The following PFKM variants were observed in gnomAD, a reference collection of about 807,000 sequenced individuals.
PFKM encodes the protein ATP-dependent 6-phosphofructokinase, muscle type.
A neutral mutation model predicts 95.5 loss-of-function variants in PFKM; 58 were observed. That is an observed-to-expected ratio of 0.61 (90% confidence interval 0.49 to 0.76). PFKM has a LOEUF of 0.76. PFKM is among the 30% of genes least tolerant of loss of function. PFKM has a pLI of 0.00. For missense variants in PFKM, 678 were observed against 1,005.4 expected, an observed-to-expected ratio of 0.67 and a Z score of 4.40; for synonymous variants, 336 against 357.2, an observed-to-expected ratio of 0.94 and a Z score of 0.67.
intron 3 of PFKM, among the ~76,000 whole-genome samples, chr12:48,111,546 C>CAGCTTG (rs1251848247): frequency 1.3e-5 from 2 of 152,194 alleles, no homozygotes; most frequent in Admixed American, 6.5e-5. Flanking sequence ...ACAATGAGTT[C>CAGCTTG]AGCTTGCTGA....
At chr12:48,135,787 G>GAT (rs2135930861) in intron 10 of PFKM, among the ~76,000 whole-genome samples, 1 of 152,212 alleles carries the variant, frequency 6.6e-6, no homozygotes, top group South Asian at 2.1e-4. Context: ...TATTGACATT[G>GAT]ATATAGTCAA....
intron 4 of PFKM, chr12:48,131,776 G>A: frequency 5.5e-6 from 2 of 364,158 alleles, no homozygotes; most frequent in Non-Finnish European, 5.3e-6. Flanking sequence ...ATGTGATGGA[G>A]ATGAGGTGAC....
intron 20 of PFKM, 103 bp downstream of exon 20, chr12:48,144,260 T>C (rs113807836): frequency 8.8e-6 from 7 of 792,834 alleles, no homozygotes; most frequent in African/African-American, 5.0e-5. Flanking sequence ...TTTCCAGTCT[T>C]CTGGAGGAGC....
intron 3 of PFKM, among the ~76,000 whole-genome samples, chr12:48,111,046 C>T (rs1470471618): frequency 6.6e-6 from 1 of 152,190 alleles, no homozygotes; most frequent in African/African-American, 2.4e-5. Flanking sequence ...TAGCAGGCAC[C>T]TTTGTGGTCC....
At chr12:48,135,175 C>G in intron 9 of PFKM, 116 bp from the exon 10 acceptor site, 2 of 1,152,898 alleles carry the variant, frequency 1.7e-6, no homozygotes, top group Non-Finnish European at 2.6e-6. Flanking sequence ...TTGCCTCCCA[C>G]AAAGAACCAT....
chr12:48,129,907 A>C (rs964387412), intron 2 of PFKM, among the ~76,000 whole-genome samples: 2 of 152,244 alleles, frequency 1.3e-5, no homozygotes, highest in African/African-American at 4.8e-5. Context: ...TGAACTTTCT[A>C]AAAGTACTAG....
exon 1 of PFKM, chr12:48,106,130 G>A: frequency 1.4e-6 from 1 of 702,644 alleles, no homozygotes; most frequent in East Asian, 2.7e-5. Flanking sequence ...CACCGGAAGA[G>A]TCGCTAGGTG....
intron 2 of PFKM, chr12:48,108,018 C>T (rs1276514154): frequency 6.3e-7 from 1 of 1,575,006 alleles, no homozygotes; most frequent in East Asian, 2.2e-5. Context: ...GAGTAAGGAA[C>T]ACTCCCTTCC....
chr12:48,110,829 C>T (rs1026062170), intron 3 of PFKM, among the ~76,000 whole-genome samples: 1 of 151,496 alleles, frequency 6.6e-6, no homozygotes, highest in African/African-American at 2.4e-5. Context: ...ATGAGGCAGG[C>T]TGTGTGTGTG....
intron 17 of PFKM, among the ~76,000 whole-genome samples, 164 bp from the exon 18 acceptor site, chr12:48,142,618 C>T (rs1032042456): frequency 6.6e-6 from 1 of 151,890 alleles, no homozygotes; most frequent in African/African-American, 2.4e-5. Flanking sequence ...GTGAGGTTGG[C>T]AAATATGCCT....
chr12:48,142,843 C>G lies in PFKM; in HGVS notation c.1715C>G (p.Thr572Ser). ...GTKRRVFIIE[T>S]MGGYCGYLAT... ...AAGCGTCGGGTGTTTATCATTGAGA[C>G]TATGGGTGGCTACTGTGGCTACCTG... The change falls in exon 18 of 23, where the codon ACT (threonine) becomes AGT (serine). Residue 572 changes from threonine to serine, a missense_variant. Transcript: ENST00000359794. The G allele has an allele frequency of 6.2e-7, 1 of 1,614,104 alleles. No individual in the cohort carries two copies. Among genetic ancestry groups the G allele is most frequent in the African/African-American group, 1.3e-5 (1 of 75,052 alleles).
At chr12:48,110,075 C>G (rs1159097935) in intron 3 of PFKM, among the ~76,000 whole-genome samples, 2 of 152,160 alleles carry the variant, frequency 1.3e-5, no homozygotes, top group South Asian at 2.1e-4. Flanking sequence ...GAAAATAACT[C>G]CATGTAATCA....
In PFKM at chr12:48,145,340, G is replaced by A. The variant is rs1950946909; in HGVS notation, c.2198+25G>A. 1 of 1,573,982 alleles carries A rather than the reference G, an allele frequency of 6.4e-7. No individual in the cohort carries two copies. On this transcript the variant is annotated intron_variant, in intron 22 of 22. Transcript: ENST00000359794. This position sits in a 1 kb window ranked among gnomAD's most constrained non-coding sequence, Gnocchi z 4.3. The stretch of plus-strand genomic sequence containing the variant: ...AGTGAGTACATCTGCTTCCTGGAGT[G>A]GTTCTTTTCCCTGGTAGTTTCAAGC...
intron 1 of PFKM, among the ~76,000 whole-genome samples, chr12:48,122,244 C>T (rs1690441038): frequency 6.6e-6 from 1 of 152,144 alleles, no homozygotes; most frequent in Admixed American, 6.5e-5. Context: ...TCCATATCAC[C>T]TAACCCCATT....
In PFKM at chr12:48,145,800, T is replaced by A. The variant is rs1408468034; in HGVS notation, c.*92T>A. The A allele has an allele frequency of 7.1e-7, 1 of 1,402,088 alleles. No individual in the cohort carries two copies. The highest frequency in any genetic ancestry group is 1.0e-6 in the Non-Finnish European group (1 of 991,106). 86.9% of individuals were successfully genotyped at this position (1,402,088 alleles called of 1,614,324 possible). A position where few individuals can be genotyped will look rare whatever the true frequency, so the allele number is the denominator to read the frequency against. On this transcript the variant is annotated 3_prime_UTR_variant, in exon 23 of 23. Transcript: ENST00000359794. This position sits in a 1 kb window ranked among gnomAD's most constrained non-coding sequence, Gnocchi z 4.3. ...CTTCTCAGTGTTTTAGCTGTTTTTTTCATTAGGTTTCCTTTTATTCTGTAC... is the reference window on the plus strand; with the variant it reads ...CTTCTCAGTGTTTTAGCTGTTTTTTACATTAGGTTTCCTTTTATTCTGTAC...
Position 48,145,917 on chromosome 12 carries a change from C to T in PFKM, c.*209C>T. On this transcript the variant is annotated 3_prime_UTR_variant, in exon 23 of 23. Coordinates refer to ENST00000359794, the MANE Select transcript of PFKM (RefSeq NM_000289.6). The surrounding 1 kb of genome is among the most constrained non-coding windows in gnomAD (Gnocchi z 4.3). ...GTAGAATTTAACATGACTTCTGCCCCAGCTTTATCTGTCACACAAGGCTGG... is the reference window on the plus strand; with the variant it reads ...GTAGAATTTAACATGACTTCTGCCCTAGCTTTATCTGTCACACAAGGCTGG... 1 of 587,234 alleles carries T rather than the reference C, an allele frequency of 1.7e-6. No individual in the cohort carries two copies. Among genetic ancestry groups the T allele is most frequent in the Non-Finnish European group, 3.0e-6 (1 of 329,256 alleles). The allele number at this position is 587,234 out of a possible 1,614,324, so 36.4% of individuals were successfully genotyped here. A position where few individuals can be genotyped will look rare whatever the true frequency, so the allele number is the denominator to read the frequency against.
At chr12:48,111,170 T>C (rs1592583033) in intron 3 of PFKM, among the ~76,000 whole-genome samples, 1 of 152,246 alleles carries the variant, frequency 6.6e-6, no homozygotes, top group East Asian at 1.9e-4. Context: ...AGACTACTTC[T>C]AGTGACCTGA....
chr12:48,111,231 T>G (rs1439581062), intron 3 of PFKM, among the ~76,000 whole-genome samples: 1 of 152,242 alleles, frequency 6.6e-6, no homozygotes, highest in Non-Finnish European at 1.5e-5. Context: ...TTGCTCCTTG[T>G]GTCACAGCTT....
intron 1 of PFKM, among the ~76,000 whole-genome samples, chr12:48,120,453 T>C (rs1379662089): frequency 6.6e-6 from 1 of 152,198 alleles, no homozygotes; most frequent in Non-Finnish European, 1.5e-5. Context: ...TTAAAAATGA[T>C]CATGATCCCT....
Sources: gnomAD v4.1 joint callset for allele counts (sites outside exome capture counted in the v4.1 genomes callset) on GRCh38, gnomAD v4.1.1 for gene constraint, Gnocchi (gnomAD v3.1) non-coding constraint, MANE v1.5 for transcripts, NCBI Gene and HGNC (gene_info 2026-07-23, HGNC 2026-07-21) for gene names.